The following CCDC6 variants were observed in gnomAD, a reference collection of about 807,000 sequenced individuals.
The protein encoded by CCDC6 is coiled-coil domain containing 6, also known as coiled-coil domain-containing protein 6.
A neutral mutation model predicts 56.6 loss-of-function variants in CCDC6; 20 were observed. The observed-to-expected ratio is 0.35, with a 90% confidence interval of 0.25 to 0.51. CCDC6 has a LOEUF of 0.51. CCDC6 is among the 20% of genes least tolerant of loss of function. The probability of loss-of-function intolerance (pLI) is 0.95; values close to 1 mark genes in which losing one functional copy is unlikely to be tolerated. For synonymous variants in CCDC6, 241 were observed against 234.4 expected (o/e 1.03, Z -0.26); for missense variants, 367 against 601.1 (o/e 0.61, Z 4.07).
chr10:59,858,274 C>T (rs563302020), intron 1 of CCDC6, among the ~76,000 whole-genome samples: 9 of 152,262 alleles, frequency 5.9e-5, no homozygotes, highest in South Asian at 2.1e-4. Flanking sequence ...GACTAGTACA[C>T]GCTTCCTCCG....
chr10:59,816,721 C>G (rs779365799), intron 3 of CCDC6, among the ~76,000 whole-genome samples: 4 of 152,168 alleles, frequency 2.6e-5, no homozygotes, highest in Non-Finnish European at 4.4e-5. Flanking sequence ...ATCTGGATAT[C>G]CGTTCTATTT....
chr10:59,846,009 C>T (rs1463905590), intron 2 of CCDC6, among the ~76,000 whole-genome samples: 2 of 152,122 alleles, frequency 1.3e-5, no homozygotes, highest in South Asian at 2.1e-4. Context: ...TTAGTGGCTT[C>T]GGAAACTTGA....
At chr10:59,882,931 G>A (rs1245232532) in intron 1 of CCDC6, among the ~76,000 whole-genome samples, 2 of 151,922 alleles carry the variant, frequency 1.3e-5, no homozygotes, top group Non-Finnish European at 2.9e-5. Flanking sequence ...CTGCACTCCA[G>A]CCTGGGCGAC....
intron 2 of CCDC6, among the ~76,000 whole-genome samples, chr10:59,841,737 G>A (rs7080447): frequency 2.0e-5 from 3 of 151,092 alleles, no homozygotes; most frequent in Non-Finnish European, 2.9e-5. Flanking sequence ...GCGTGATCTC[G>A]GCTCACTGCA....
intron 3 of CCDC6, among the ~76,000 whole-genome samples, chr10:59,822,333 T>C (rs1004753585): frequency 1.3e-5 from 2 of 152,172 alleles, no homozygotes; most frequent in Non-Finnish European, 2.9e-5. Context: ...ACACATTTAA[T>C]TACTCAGATT....
chr10:59,897,323 G>A (rs1047703595), intron 1 of CCDC6, among the ~76,000 whole-genome samples: 7 of 151,288 alleles, frequency 4.6e-5, no homozygotes, highest in Admixed American at 2.6e-4. Context: ...GTGCAATCTC[G>A]GCTCACCGCA....
chr10:59,825,045 C>G (rs1300943038), intron 3 of CCDC6, among the ~76,000 whole-genome samples: 2 of 152,186 alleles, frequency 1.3e-5, no homozygotes, highest in Non-Finnish European at 2.9e-5. Flanking sequence ...CTCTAGCTGT[C>G]AGAATCTGCA....
At position 59,906,359 on chromosome 10, in the gene CCDC6, G is replaced by T; in HGVS notation, c.66C>A (p.Ala22=). The T allele has an allele frequency of 1.3e-6, 2 of 1,595,734 alleles. No homozygotes were observed. Among genetic ancestry groups the T allele is most frequent in the South Asian group, 2.2e-5 (2 of 90,774 alleles). ...GAGGNSSSSA[A]MQSSCSSTSG... ...AGGTCGACGAGCAGGACGACTGCAT[G>T]GCGGCCGAGCTGCTGCTGTTGCCCC... The change falls in exon 1 of 9, where the codon GCC becomes GCA. Residue 22 remains alanine, a synonymous_variant. Coordinates refer to ENST00000263102, the MANE Select transcript of CCDC6 (RefSeq NM_005436.5).
intron 3 of CCDC6, 21 bp downstream of exon 3, chr10:59,832,504 G>C (rs2070842954): frequency 1.2e-5 from 19 of 1,598,768 alleles, no homozygotes; most frequent in Non-Finnish European, 1.4e-5. Flanking sequence ...ACAATGTAAA[G>C]GAAGAGCTAC....
At chr10:59,822,246 C>T (rs928569461) in intron 3 of CCDC6, among the ~76,000 whole-genome samples, 4 of 152,166 alleles carry the variant, frequency 2.6e-5, no homozygotes, top group African/African-American at 9.7e-5. Context: ...CCATTATTAA[C>T]ATGAAAATGA....
chr10:59,812,759 A>T lies in CCDC6; in HGVS notation c.723T>A (p.Ala241=). 2 of 1,611,344 alleles carry T rather than the reference A, an allele frequency of 1.2e-6. No homozygotes were observed. Among genetic ancestry groups the T allele is most frequent in the Middle Eastern group, 3.3e-4 (2 of 6,052 alleles). ...TGGAGATATCTCTAGGCGATGGTGG[A>T]GCAGAGACGGGCTGGTCTAATTTTT... ...LQEKLDQPVS[A]PPSPRDISME... is the part of the protein sequence containing the mutation. The change falls in exon 5 of 9, where the codon GCT becomes GCA. Residue 241 remains alanine, a synonymous_variant. Transcript: ENST00000263102.
In CCDC6 at chr10:59,791,322, T is replaced by C. The variant is rs2070465375; in HGVS notation, c.*1595A>G. 5.0e-6 allele frequency: 1 copy of C among 201,430 alleles called. No individual in the cohort carries two copies. The highest frequency in any genetic ancestry group is 2.3e-5 in the African/African-American group (1 of 43,560). 12.5% of individuals were successfully genotyped at this position (201,430 alleles called of 1,614,324 possible). On this transcript the variant is annotated 3_prime_UTR_variant, in exon 9 of 9. Transcript: ENST00000263102. ...TCTTATTGTTGCTTTTACTCTCAAG[T>C]TCTTAAAACGCTAGTCAAACACTAT...
At chr10:59,828,640 C>A (rs528769706) in intron 3 of CCDC6, among the ~76,000 whole-genome samples, 4 of 152,246 alleles carry the variant, frequency 2.6e-5, no homozygotes, top group African/African-American at 9.6e-5. Flanking sequence ...ACTTAAGAAA[C>A]CCTCCCAATC....
At chr10:59,855,376 G>T (rs1313506630) in intron 1 of CCDC6, among the ~76,000 whole-genome samples, 2 of 152,158 alleles carry the variant, frequency 1.3e-5, no homozygotes, top group African/African-American at 4.8e-5. Flanking sequence ...GACTAGACTG[G>T]CAAAGATGGT....
intron 1 of CCDC6, among the ~76,000 whole-genome samples, chr10:59,881,626 A>C (rs2071335854): frequency 6.6e-6 from 1 of 152,242 alleles, no homozygotes; most frequent in Admixed American, 6.5e-5. Context: ...GGAGAAAAAA[A>C]GTCCAATATT....
At chr10:59,872,824 T>C (rs1400563419) in intron 1 of CCDC6, among the ~76,000 whole-genome samples, 5 of 150,058 alleles carry the variant, frequency 3.3e-5, no homozygotes, top group Non-Finnish European at 7.4e-5. Flanking sequence ...GCATAAGCAG[T>C]AACTCTTCCC....
chr10:59,884,640 T>C (rs1274848199), intron 1 of CCDC6, among the ~76,000 whole-genome samples: 2 of 129,456 alleles, frequency 1.5e-5, no homozygotes, highest in Non-Finnish European at 3.5e-5. Flanking sequence ...TCATGAGATG[T>C]GTAAAGTAGA....
intron 1 of CCDC6, among the ~76,000 whole-genome samples, chr10:59,889,950 ATC>A (rs1451445818): frequency 1.3e-5 from 2 of 152,094 alleles, no homozygotes; most frequent in Non-Finnish European, 2.9e-5. Context: ...GGGATGACCA[ATC>A]TCTGAATTAC....
chr10:59,847,209 C>T (rs10994051), intron 2 of CCDC6, among the ~76,000 whole-genome samples: 4 of 151,954 alleles, frequency 2.6e-5, no homozygotes, highest in Middle Eastern at 3.4e-3. Context: ...CCTGCCACCA[C>T]GCCGGGCTGA....
Sources: allele counts gnomAD v4.1 joint callset (sites outside exome capture counted in the v4.1 genomes callset), GRCh38; gene constraint gnomAD v4.1.1; transcripts MANE v1.5; gene names NCBI Gene and HGNC (gene_info 2026-07-23, HGNC 2026-07-21).